Variants in MYO16 observed in about 807,000 individuals in gnomAD.
The protein encoded by MYO16 is myosin XVI.
Under a neutral mutation model 205.3 loss-of-function variants are expected in MYO16, and 94 were observed. That is an observed-to-expected ratio of 0.46 (90% confidence interval 0.39 to 0.54). The LOEUF (loss-of-function observed/expected upper bound fraction) is 0.54. Among genes scored for constraint, MYO16 ranks in the 20% least tolerant of loss-of-function variants. The probability of loss-of-function intolerance (pLI) is 0.00; values close to 1 mark genes in which losing one functional copy is unlikely to be tolerated. For synonymous variants in MYO16, 988 were observed against 954.0 expected (o/e 1.04, Z -0.66); for missense variants, 2,315 against 2,387.5 (o/e 0.97, Z 0.63).
At chr13:108,909,011 T>A (rs1485296351) in intron 15 of MYO16, among the ~76,000 whole-genome samples, 8 of 147,284 alleles carry the variant, frequency 5.4e-5, no homozygotes, top group South Asian at 4.2e-4. Context: ...AATAAATAAA[T>A]AAAAATATAA....
upstream of MYO16, chr13:108,629,169 A>G (rs1879861422): frequency 6.6e-6 from 1 of 152,202 alleles, no homozygotes; most frequent in Non-Finnish European, 1.5e-5. Flanking sequence ...CATTCTGCTC[A>G]GAAAAGCAGA....
chr13:108,588,844 C>A, the MYO16 span, among the ~76,000 whole-genome samples: 1 of 152,224 alleles, frequency 6.6e-6, no homozygotes, highest in Non-Finnish European at 1.5e-5. Context: ...CCACGATGGG[C>A]AGGTAACCTG....
intron 16 of MYO16, among the ~76,000 whole-genome samples, chr13:108,928,097 C>T (rs1281682472): frequency 6.6e-6 from 1 of 152,220 alleles, no homozygotes; most frequent in Non-Finnish European, 1.5e-5. Flanking sequence ...TGCCGATGCG[C>T]TTGCCTTCTG....
chr13:108,618,134 T>C (rs1224701253), intron 1 of MYO16, among the ~76,000 whole-genome samples: 1 of 152,208 alleles, frequency 6.6e-6, no homozygotes, highest in Non-Finnish European at 1.5e-5. Flanking sequence ...TAAGTTTCCT[T>C]GCTGTCCATC....
intron 1 of MYO16, among the ~76,000 whole-genome samples, chr13:108,661,650 T>G (rs918218903): frequency 1.3e-5 from 2 of 152,206 alleles, no homozygotes; most frequent in African/African-American, 2.4e-5. Flanking sequence ...GTTTTTTCTT[T>G]AAGCTATCCA....
intron 2 of MYO16, among the ~76,000 whole-genome samples, chr13:108,684,466 A>G (rs1388267384): frequency 6.6e-6 from 1 of 152,190 alleles, no homozygotes; most frequent in East Asian, 1.9e-4. Context: ...GTGTGTATAT[A>G]TCTGTATCTG....
chr13:108,726,557 CAAA>C (rs756271184), intron 3 of MYO16, among the ~76,000 whole-genome samples: 13 of 108,216 alleles, frequency 1.2e-4, no homozygotes, highest in Middle Eastern at 4.1e-3. Flanking sequence ...GACTCTGTTT[CAAA>C]AAAAAAAAAA....
At chr13:108,828,213 T>G (rs564516158) in intron 9 of MYO16, among the ~76,000 whole-genome samples, 1 of 152,218 alleles carries the variant, frequency 6.6e-6, no homozygotes, top group Admixed American at 6.5e-5. Context: ...GCTAACTCTG[T>G]TATTGTTTCA....
chr13:108,824,079 TAAC>T (rs1344127769), intron 9 of MYO16, among the ~76,000 whole-genome samples: 19 of 152,078 alleles, frequency 1.2e-4, no homozygotes, highest in African/African-American at 4.3e-4. Context: ...TATGAATAAA[TAAC>T]ATTGCATGTA....
chr13:108,885,428 T>A (rs1435772480), intron 13 of MYO16, among the ~76,000 whole-genome samples: 1 of 152,208 alleles, frequency 6.6e-6, no homozygotes, highest in African/African-American at 2.4e-5. Flanking sequence ...CCACTCATTC[T>A]GGACTCAAGG....
At chr13:108,655,383 G>A (rs564416071) in intron 1 of MYO16, among the ~76,000 whole-genome samples, 1 of 152,030 alleles carries the variant, frequency 6.6e-6, no homozygotes, top group East Asian at 1.9e-4. Flanking sequence ...CAGGTACACA[G>A]AAGTCAAAAA....
intron 2 of MYO16, among the ~76,000 whole-genome samples, chr13:108,706,265 G>A (rs1283037105): frequency 2.6e-5 from 4 of 152,180 alleles, no homozygotes; most frequent in South Asian, 2.1e-4. Context: ...TTGATTGTAC[G>A]TGGCTGAAAA....
intron 4 of MYO16, among the ~76,000 whole-genome samples, chr13:108,767,148 G>C (rs770105638): frequency 2.6e-5 from 4 of 152,034 alleles, no homozygotes; most frequent in African/African-American, 4.8e-5. Context: ...TGTCGCCCAG[G>C]CTGGAGTGCA....
At chr13:108,735,641 C>T (rs913687308) in intron 4 of MYO16, among the ~76,000 whole-genome samples, 2 of 150,882 alleles carry the variant, frequency 1.3e-5, no homozygotes, top group Non-Finnish European at 2.9e-5. Flanking sequence ...GATTTATAGT[C>T]CTTTGGGTAT....
intron 19 of MYO16, 90 bp downstream of exon 19, chr13:108,962,585 T>C: frequency 3.2e-6 from 3 of 926,516 alleles, no homozygotes; most frequent in South Asian, 3.0e-5. Context: ...TTAGTGAAAC[T>C]ATTTCTATGA....
intron 1 of MYO16, among the ~76,000 whole-genome samples, chr13:108,663,161 C>T (rs1008555044): frequency 3.9e-5 from 6 of 152,166 alleles, no homozygotes; most frequent in African/African-American, 7.2e-5. Context: ...TGGGTCCTCT[C>T]GGGATTGCTG....
chr13:108,811,458 A>G (rs951894205), intron 7 of MYO16, among the ~76,000 whole-genome samples: 4 of 151,594 alleles, frequency 2.6e-5, no homozygotes, highest in African/African-American at 7.3e-5. Context: ...TGGCTACCCA[A>G]GCCTCCTCTC....
intron 9 of MYO16, among the ~76,000 whole-genome samples, chr13:108,828,494 T>C (rs184538857): frequency 3.9e-5 from 6 of 152,302 alleles, no homozygotes; most frequent in East Asian, 1.9e-4. Flanking sequence ...ATCTGGCTGA[T>C]TTTTATCCTT....
At chr13:108,750,256 A>G (rs576383168) in intron 4 of MYO16, among the ~76,000 whole-genome samples, 26 of 152,342 alleles carry the variant, frequency 1.7e-4, no homozygotes, top group African/African-American at 6.0e-4. Flanking sequence ...TAATGTATGT[A>G]AACAAAAACA....
Sources: gnomAD v4.1 joint callset for allele counts (sites outside exome capture counted in the v4.1 genomes callset) on GRCh38, gnomAD v4.1.1 for gene constraint, MANE v1.5 for transcripts, NCBI Gene and HGNC (gene_info 2026-07-23, HGNC 2026-07-21) for gene names.